The following ANKRD6 variants were observed in gnomAD, a reference collection of about 807,000 sequenced individuals.
ANKRD6 encodes ankyrin repeat domain 6, also known as ankyrin repeat domain-containing protein 6.
ANKRD6 carries 56 observed loss-of-function variants against 82.3 expected under a neutral mutation model. The ratio of observed to expected loss-of-function variants is 0.68; its 90% confidence interval spans 0.55 to 0.85. The LOEUF (loss-of-function observed/expected upper bound fraction) is 0.85. ANKRD6 is among the 40% of genes least tolerant of loss of function. ANKRD6 has a pLI of 0.00. For missense variants in ANKRD6, 852 were observed against 907.6 expected, an observed-to-expected ratio of 0.94 and a Z score of 0.79; for synonymous variants, 347 against 352.1, an observed-to-expected ratio of 0.99 and a Z score of 0.16.
intron 10 of ANKRD6, among the ~76,000 whole-genome samples, chr6:89,622,334 C>T (rs948785527): frequency 1.2e-4 from 18 of 152,230 alleles, no homozygotes; most frequent in Non-Finnish European, 2.6e-4. Context: ...GCCTCTCTAA[C>T]ACCATGCCCA....
intron 1 of ANKRD6, among the ~76,000 whole-genome samples, chr6:89,531,154 G>A (rs1009045437): frequency 1.3e-5 from 2 of 152,202 alleles, no homozygotes; most frequent in African/African-American, 2.4e-5. Flanking sequence ...GCATGCATCC[G>A]CCTGCCAGTG....
chr6:89,507,467 AT>A (rs1294553147), intron 1 of ANKRD6, among the ~76,000 whole-genome samples: 1 of 152,214 alleles, frequency 6.6e-6, no homozygotes, highest in Non-Finnish European at 1.5e-5. Context: ...ATGTTGAGCA[AT>A]GTTCTGTAAA....
At chr6:89,466,434 A>G (rs1774855866) in intron 1 of ANKRD6, among the ~76,000 whole-genome samples, 2 of 152,212 alleles carry the variant, frequency 1.3e-5, no homozygotes. Flanking sequence ...TTTGCCAGCA[A>G]TACATGAGAA....
At chr6:89,448,184 C>T (rs1025082737) in intron 1 of ANKRD6, among the ~76,000 whole-genome samples, 11 of 151,906 alleles carry the variant, frequency 7.2e-5, no homozygotes, top group Non-Finnish European at 1.2e-4. Flanking sequence ...CCTGTAATCC[C>T]AGCATTTTAG....
chr6:89,563,369 T>G (rs1215882899), intron 1 of ANKRD6, among the ~76,000 whole-genome samples: 1 of 152,226 alleles, frequency 6.6e-6, no homozygotes, highest in African/African-American at 2.4e-5. Flanking sequence ...TGCATACTTA[T>G]GCTCATGTGT....
chr6:89,623,185 G>C (rs978749974), intron 10 of ANKRD6, among the ~76,000 whole-genome samples: 29 of 152,028 alleles, frequency 1.9e-4, no homozygotes, highest in African/African-American at 6.8e-4. Flanking sequence ...ATTTAGCTTA[G>C]GACCTAATAA....
chr6:89,470,896 T>C (rs962139148), intron 1 of ANKRD6, among the ~76,000 whole-genome samples: 1 of 152,108 alleles, frequency 6.6e-6, no homozygotes, highest in Non-Finnish European at 1.5e-5. Context: ...TGTGAGTGGA[T>C]TTTTCACTAC....
intron 1 of ANKRD6, among the ~76,000 whole-genome samples, chr6:89,543,128 G>A (rs1008485050): frequency 5.3e-5 from 8 of 152,360 alleles, no homozygotes; most frequent in South Asian, 2.1e-4. Context: ...AATGTCAGAC[G>A]TGGCGAAAGC....
chr6:89,437,015 G>C (rs994049268), intron 1 of ANKRD6, among the ~76,000 whole-genome samples: 4 of 152,004 alleles, frequency 2.6e-5, no homozygotes, highest in Admixed American at 2.6e-4. Flanking sequence ...TTTAACCTGG[G>C]GTTCAGTGGT....
At chr6:89,460,377 T>C (rs955904122) in intron 1 of ANKRD6, among the ~76,000 whole-genome samples, 3 of 152,120 alleles carry the variant, frequency 2.0e-5, no homozygotes, top group Non-Finnish European at 4.4e-5. Context: ...TAAGTAACTA[T>C]TAAAATTTCA....
intron 1 of ANKRD6, among the ~76,000 whole-genome samples, chr6:89,449,135 A>G (rs886927676): frequency 6.6e-6 from 1 of 152,164 alleles, no homozygotes. Context: ...AATCTTTTGG[A>G]AAGGATTCAC....
chr6:89,625,243 A>G (rs1214385637), intron 13 of ANKRD6, among the ~76,000 whole-genome samples: 1 of 152,084 alleles, frequency 6.6e-6, no homozygotes, highest in Non-Finnish European at 1.5e-5. Context: ...AGATCATTCC[A>G]GTGCACTCCA....
At chr6:89,521,015 A>G (rs910022896) in intron 1 of ANKRD6, among the ~76,000 whole-genome samples, 17 of 152,198 alleles carry the variant, frequency 1.1e-4, no homozygotes, top group Admixed American at 7.9e-4. Context: ...GTCCTCCCAC[A>G]TTCTCTTATT....
intron 1 of ANKRD6, among the ~76,000 whole-genome samples, chr6:89,482,397 A>G (rs1194520327): frequency 4.6e-5 from 7 of 152,214 alleles, no homozygotes; most frequent in Non-Finnish European, 1.0e-4. Flanking sequence ...TCCCAGTATA[A>G]ATCATTCTTT....
chr6:89,457,519 A>C (rs1355046455), intron 1 of ANKRD6, among the ~76,000 whole-genome samples: 2 of 152,216 alleles, frequency 1.3e-5, no homozygotes, highest in African/African-American at 4.8e-5. Flanking sequence ...AGTTTTCAGG[A>C]TAAATTTTTA....
At chr6:89,496,078 A>G (rs1391956844) in intron 1 of ANKRD6, among the ~76,000 whole-genome samples, 1 of 151,990 alleles carries the variant, frequency 6.6e-6, no homozygotes, top group Admixed American at 6.5e-5. Flanking sequence ...ACATCTTACT[A>G]AGCCTGTCTC....
intron 1 of ANKRD6, among the ~76,000 whole-genome samples, chr6:89,539,087 C>A (rs1284608371): frequency 6.6e-6 from 1 of 152,196 alleles, no homozygotes; most frequent in East Asian, 1.9e-4. Context: ...ATTTAGGAAT[C>A]TATTTCTTTC....
intron 5 of ANKRD6, among the ~76,000 whole-genome samples, chr6:89,610,636 G>A (rs1360077261): frequency 1.3e-5 from 2 of 152,082 alleles, no homozygotes; most frequent in African/African-American, 4.8e-5. Context: ...CGTATTTAGT[G>A]GTTGCCATGA....
At chr6:89,588,700 C>T (rs1206168111) in intron 2 of ANKRD6, among the ~76,000 whole-genome samples, 1 of 152,124 alleles carries the variant, frequency 6.6e-6, no homozygotes, top group African/African-American at 2.4e-5. Flanking sequence ...CTCCTTTTGA[C>T]TCTGGTCATA....
Sources: allele counts gnomAD v4.1 joint callset (sites outside exome capture counted in the v4.1 genomes callset), GRCh38; gene constraint gnomAD v4.1.1; transcripts MANE v1.5; gene names NCBI Gene and HGNC (gene_info 2026-07-23, HGNC 2026-07-21).